SCN3B: variants seen among roughly 807,000 people sequenced by gnomAD.
The protein encoded by SCN3B is sodium channel regulatory subunit beta-3.
Under a neutral mutation model 25.4 loss-of-function variants are expected in SCN3B, and 11 were observed. The ratio of observed to expected loss-of-function variants is 0.43; its 90% CI spans 0.27 to 0.72. The LOEUF is 0.72. Ranked by LOEUF, SCN3B falls within the 30% of genes least tolerant of loss-of-function variation. The pLI is 0.18. For missense variants in SCN3B, 218 were observed against 278.3 expected (o/e 0.78, Z 1.54); for synonymous variants, 109 against 110.7 (o/e 0.99, Z 0.09).
At position 123,645,661 on chromosome 11, in the gene SCN3B, T is replaced by C; in HGVS notation, c.145A>G (p.Met49Val). 1 of 1,614,158 alleles carries C rather than the reference T, an allele frequency of 6.2e-7. No homozygotes were observed. The highest frequency in any genetic ancestry group is 1.3e-5 in the African/African-American group (1 of 75,064). The change falls in exon 3 of 7, where the codon ATG becomes GTG. Residue 49 changes from methionine to valine, a missense_variant. Transcript: ENST00000299333. ...NPMKLRCISCMKREEVEATTV... is the reference protein window; with the variant it reads ...NPMKLRCISCVKREEVEATTV... ...GTGGCCTCCACCTCCTCTCTCTTCA[T>C]GCAGGAGATGCAGCGCAGCTTCATG...
chr11:123,643,860 T>A (rs57827654), intron 3 of SCN3B, among the ~76,000 whole-genome samples: 1 of 152,196 alleles, frequency 6.6e-6, no homozygotes, highest in African/African-American at 2.4e-5. Flanking sequence ...CATTGACGTG[T>A]CACTGTCACA....
At position 123,631,672 on chromosome 11, in the gene SCN3B, T is replaced by TA. The variant is rs1955674431; in HGVS notation, c.*2126dup. The TA allele has an allele frequency of 6.6e-6, 1 of 151,844 alleles. No homozygotes were observed. The highest frequency in any genetic ancestry group is 1.9e-4 in the East Asian group (1 of 5,138). The allele number at this position is 151,844 out of a possible 1,614,324, so 9.4% of individuals were successfully genotyped here. Reference sequence around the variant, plus strand: ...GCAAGACCCCTGTCTCTACATAAAATACAAAAATTAGCCAGGCATGGTGGT... The same window carrying TA: ...GCAAGACCCCTGTCTCTACATAAAATAACAAAAATTAGCCAGGCATGGTGGT... On this transcript the variant is annotated 3_prime_UTR_variant, in exon 7 of 7. Transcript: ENST00000299333.
intron 3 of SCN3B, among the ~76,000 whole-genome samples, chr11:123,645,323 A>C (rs1254384526): frequency 1.3e-5 from 2 of 152,214 alleles, no homozygotes; most frequent in Non-Finnish European, 2.9e-5. Flanking sequence ...GGCGCCTATC[A>C]CATAGTAGGC....
chr11:123,647,932 A>C (rs1489377172), intron 2 of SCN3B, among the ~76,000 whole-genome samples: 1 of 152,278 alleles, frequency 6.6e-6, no homozygotes, highest in African/African-American at 2.4e-5. Context: ...GCTTCTGCAG[A>C]TGGTGAGCCA....
intron 3 of SCN3B, among the ~76,000 whole-genome samples, chr11:123,644,412 C>T (rs868557092): frequency 2.0e-4 from 31 of 152,256 alleles, no homozygotes; most frequent in Non-Finnish European, 3.5e-4. Flanking sequence ...GAATCAAACC[C>T]AGGTGGCCTG....
At chr11:123,651,107 T>C (rs1250048366) in intron 2 of SCN3B, among the ~76,000 whole-genome samples, 2 of 151,374 alleles carry the variant, frequency 1.3e-5, no homozygotes, top group Non-Finnish European at 2.9e-5. Context: ...TAATTATTTA[T>C]TGTATTAATT....
intron 3 of SCN3B, among the ~76,000 whole-genome samples, chr11:123,643,897 G>A (rs947915): frequency 0.23 from 34,319 of 152,168 alleles, 4,227 homozygotes; most frequent in African/African-American, 0.32. Context: ...GGAAGTCTCC[G>A]CTGGTCCCAG....
At chr11:123,648,055 T>C (rs1452424777) in intron 2 of SCN3B, among the ~76,000 whole-genome samples, 2 of 152,200 alleles carry the variant, frequency 1.3e-5, no homozygotes, top group Non-Finnish European at 2.9e-5. Flanking sequence ...GAAATGTGGT[T>C]TGCGCAAAAG....
rs537679254 is a variant in SCN3B, at chr11:123,629,665, G to C, written c.*4134C>G. On this transcript the variant is annotated 3_prime_UTR_variant, in exon 7 of 7. Coordinates refer to ENST00000299333, the MANE Select transcript of SCN3B (RefSeq NM_001040151.2). The stretch of plus-strand genomic sequence containing the variant: ...ACACTAAAGGTCTAGGCTAGAGCTT[G>C]ACAGAGTGGGTGCAAAAAGATGTTA... 6.6e-6 allele frequency: 1 copy of C among 152,322 alleles called. No individual in the cohort carries two copies. The highest frequency in any genetic ancestry group is 2.1e-4 in the South Asian group (1 of 4,824). The allele number at this position is 152,322 out of a possible 1,614,324, so 9.4% of individuals were successfully genotyped here. A position where few individuals can be genotyped will look rare whatever the true frequency, so the allele number is the denominator to read the frequency against.
At chr11:123,644,666 G>T (rs1955826284) in intron 3 of SCN3B, among the ~76,000 whole-genome samples, 1 of 151,654 alleles carries the variant, frequency 6.6e-6, no homozygotes, top group Admixed American at 6.6e-5. Context: ...AGCTACTGGG[G>T]AGGCTGAGGT....
intron 1 of SCN3B, 192 bp downstream of exon 1, chr11:123,654,034 C>T: frequency 3.4e-6 from 2 of 585,536 alleles, no homozygotes; most frequent in East Asian, 5.7e-5. Flanking sequence ...TTCGAGGGAG[C>T]CGATCAGCCG....
chr11:123,652,806 A>G (rs553287382), intron 2 of SCN3B, among the ~76,000 whole-genome samples: 2 of 152,024 alleles, frequency 1.3e-5, no homozygotes, highest in East Asian at 3.9e-4. Context: ...TCACCCATGC[A>G]TTCAGATGTC....
intron 2 of SCN3B, among the ~76,000 whole-genome samples, chr11:123,653,536 T>C (rs1471114151): frequency 6.6e-6 from 1 of 151,792 alleles, no homozygotes; most frequent in Non-Finnish European, 1.5e-5. Flanking sequence ...CCAAAGGAGG[T>C]TGGAGAATAG....
chr11:123,636,089 T>C (rs921915488), intron 5 of SCN3B, among the ~76,000 whole-genome samples: 39 of 152,372 alleles, frequency 2.6e-4, no homozygotes, highest in African/African-American at 8.9e-4. Flanking sequence ...TTAAAGTCTT[T>C]CAGTAAAGGT....
At chr11:123,649,707 C>T (rs1190306843) in intron 2 of SCN3B, among the ~76,000 whole-genome samples, 2 of 141,130 alleles carry the variant, frequency 1.4e-5, no homozygotes, top group East Asian at 4.1e-4. Context: ...GTCTCTCTCT[C>T]TTTCTTTTTT....
chr11:123,644,792 AGAGAGAGAAT>A (rs1955829291), intron 3 of SCN3B, among the ~76,000 whole-genome samples: 1 of 81,594 alleles, frequency 1.2e-5, no homozygotes, highest in East Asian at 3.8e-4. Flanking sequence ...AGAGAGAGAG[AGAGAGAGAAT>A]ATATATATAT....
intron 2 of SCN3B, among the ~76,000 whole-genome samples, chr11:123,646,818 G>A (rs1177688794): frequency 1.3e-5 from 2 of 152,122 alleles, no homozygotes; most frequent in Admixed American, 6.5e-5. Context: ...GTAGTTTCTC[G>A]GCACTGTTTT....
At chr11:123,650,824 TC>T (rs1165201380) in intron 2 of SCN3B, among the ~76,000 whole-genome samples, 1 of 152,172 alleles carries the variant, frequency 6.6e-6, no homozygotes, top group Non-Finnish European at 1.5e-5. Context: ...TAGCACTCTT[TC>T]CCCTGACTAC....
chr11:123,648,982 G>T (rs932025745), intron 2 of SCN3B, among the ~76,000 whole-genome samples: 1 of 152,204 alleles, frequency 6.6e-6, no homozygotes, highest in Non-Finnish European at 1.5e-5. Context: ...AGAATGATGG[G>T]ATCTAATTTG....
Sources: allele counts gnomAD v4.1 joint callset (sites outside exome capture counted in the v4.1 genomes callset), GRCh38; gene constraint gnomAD v4.1.1; transcripts MANE v1.5; gene names NCBI Gene and HGNC (gene_info 2026-07-23, HGNC 2026-07-21).